The following LRFN5 variants were observed in gnomAD, a reference collection of about 807,000 sequenced individuals.
LRFN5 encodes leucine-rich repeat and fibronectin type-III domain-containing protein 5.
Under a neutral mutation model 45.6 loss-of-function variants are expected in LRFN5, and 24 were observed. The observed-to-expected ratio is 0.53, with a 90% CI of 0.38 to 0.74. The LOEUF (loss-of-function observed/expected upper bound fraction) is 0.74. Among genes scored for constraint, LRFN5 ranks in the 30% least tolerant of loss-of-function variants. The pLI, the probability that LRFN5 is intolerant of heterozygous loss-of-function variation, is 0.00. For missense variants in LRFN5, 776 were observed against 861.5 expected, an observed-to-expected ratio of 0.90 and a Z score of 1.24; for synonymous variants, 340 against 313.8, an observed-to-expected ratio of 1.08 and a Z score of -0.88.
At chr14:41,686,779 T>C (rs1882142883) in intron 1 of LRFN5, among the ~76,000 whole-genome samples, 1 of 152,188 alleles carries the variant, frequency 6.6e-6, no homozygotes, top group South Asian at 2.1e-4. Flanking sequence ...TGTGCATATG[T>C]TGAAGCAGTC....
intron 1 of LRFN5, among the ~76,000 whole-genome samples, chr14:41,735,203 C>G (rs551195189): frequency 1.3e-5 from 2 of 152,258 alleles, no homozygotes; most frequent in South Asian, 4.1e-4. Flanking sequence ...ATTTCTTATA[C>G]AAATAAATTC....
In LRFN5 at chr14:41,837,746, T is replaced by G. The variant is rs570790677; in HGVS notation, c.-20-48860T>G. Among the ~76,000 whole-genome samples the G allele has an allele frequency of 2.0e-5, 3 of 152,294 alleles. 1 individual carries two copies. In the South Asian group the frequency reaches 6.2e-4, roughly 32 times the overall value. On this transcript the variant is annotated intron_variant, in intron 2 of 5. Coordinates refer to ENST00000298119, the MANE Select transcript of LRFN5 (RefSeq NM_152447.5). ...GCTCTCTGTCATGTGGAAGAATTAT[T>G]CTGTTTAAAGAGCTGCTGCTTTAAA...
At chr14:41,759,960 G>A (rs1298474459) in intron 1 of LRFN5, among the ~76,000 whole-genome samples, 1 of 152,170 alleles carries the variant, frequency 6.6e-6, no homozygotes, top group Non-Finnish European at 1.5e-5. Flanking sequence ...ATAACACAGA[G>A]GGATTCCCAC....
At chr14:41,885,583 G>A (rs543605539) in intron 2 of LRFN5, among the ~76,000 whole-genome samples, 11 of 152,078 alleles carry the variant, frequency 7.2e-5, no homozygotes, top group South Asian at 2.1e-4. Flanking sequence ...AAGCACTGAC[G>A]GCTGCTTCCC....
intron 1 of LRFN5, among the ~76,000 whole-genome samples, chr14:41,686,063 G>A (rs1882106585): frequency 6.6e-6 from 1 of 152,076 alleles, no homozygotes; most frequent in African/African-American, 2.4e-5. Flanking sequence ...GGGCAGTATG[G>A]CCATTTTCAT....
chr14:41,640,412 A>G (rs901011746), intron 1 of LRFN5, among the ~76,000 whole-genome samples: 4 of 152,126 alleles, frequency 2.6e-5, no homozygotes, highest in African/African-American at 4.8e-5. Context: ...GTGTAGCTCT[A>G]CATGGAAGGC....
At chr14:41,782,974 C>T (rs148099579) in intron 2 of LRFN5, among the ~76,000 whole-genome samples, 4 of 127,622 alleles carry the variant, frequency 3.1e-5, no homozygotes, top group African/African-American at 8.8e-5. Flanking sequence ...GGTGATACAG[C>T]TTTTTTTTTT....
chr14:41,825,507 A>T (rs956229723), intron 2 of LRFN5, among the ~76,000 whole-genome samples: 10 of 152,124 alleles, frequency 6.6e-5, no homozygotes, highest in African/African-American at 2.4e-4. Context: ...TTCTCTTGGA[A>T]TGCTGCACTC....
intron 1 of LRFN5, among the ~76,000 whole-genome samples, chr14:41,680,840 G>C (rs1881852495): frequency 6.6e-6 from 1 of 151,924 alleles, no homozygotes; most frequent in Non-Finnish European, 1.5e-5. Flanking sequence ...CAAACTAGCT[G>C]TTTCAAGGAA....
At chr14:41,765,304 T>A (rs1331482038) in intron 1 of LRFN5, among the ~76,000 whole-genome samples, 2 of 143,810 alleles carry the variant, frequency 1.4e-5, no homozygotes, top group Non-Finnish European at 3.0e-5. Flanking sequence ...ATCGCGCCAC[T>A]GCACTCCAGC....
chr14:41,653,757 C>A (rs1880242502), intron 1 of LRFN5, among the ~76,000 whole-genome samples: 1 of 151,984 alleles, frequency 6.6e-6, no homozygotes, highest in Admixed American at 6.6e-5. Context: ...GAAATTGCTT[C>A]TATAGTGCTA....
intron 2 of LRFN5, among the ~76,000 whole-genome samples, chr14:41,832,112 A>C (rs1451344088): frequency 6.6e-6 from 1 of 152,160 alleles, no homozygotes; most frequent in African/African-American, 2.4e-5. Context: ...TAGGGATTCA[A>C]TATATGAATT....
chr14:41,861,705 C>T lies in LRFN5; in HGVS notation c.-20-24901C>T, dbSNP rs573117886. On this transcript the variant is annotated intron_variant, in intron 2 of 5. Coordinates refer to ENST00000298119, the MANE Select transcript of LRFN5 (RefSeq NM_152447.5). ...GCTGCAATAGCTCTCATGTGAGATA[C>T]GTTAATTTTAAAGGTTTTATTGAAG... is the stretch of plus-strand genomic sequence containing the variant. 5.9e-5 allele frequency among the ~76,000 whole-genome samples: 9 copies of T among 152,180 alleles called. No individual in the cohort carries two copies. In the East Asian group the frequency reaches 9.7e-4, roughly 16 times the overall value.
chr14:41,718,721 T>A (rs1434727689), intron 1 of LRFN5, among the ~76,000 whole-genome samples: 1 of 152,180 alleles, frequency 6.6e-6, no homozygotes, highest in Non-Finnish European at 1.5e-5. Context: ...TCAGCCCTGA[T>A]TCATCTACGC....
At chr14:41,885,738 C>T (rs924405131) in intron 2 of LRFN5, among the ~76,000 whole-genome samples, 36 of 151,938 alleles carry the variant, frequency 2.4e-4, no homozygotes, top group South Asian at 4.2e-4. Context: ...GAAGATTGGC[C>T]GGGCACAGTG....
At chr14:41,712,125 CTG>C (rs761180726) in intron 1 of LRFN5, among the ~76,000 whole-genome samples, 5 of 152,120 alleles carry the variant, frequency 3.3e-5, no homozygotes, top group Non-Finnish European at 7.4e-5. Context: ...GCAAGAAAGA[CTG>C]AGACACATGA....
intron 2 of LRFN5, among the ~76,000 whole-genome samples, chr14:41,881,434 CT>C (rs1890377406): frequency 6.6e-6 from 1 of 151,652 alleles, no homozygotes. Context: ...TATGCAATAT[CT>C]TTTTCTCTGC....
chr14:41,758,417 A>C (rs1176285831), intron 1 of LRFN5, among the ~76,000 whole-genome samples: 3 of 152,178 alleles, frequency 2.0e-5, no homozygotes, highest in Non-Finnish European at 4.4e-5. Context: ...CCTTGCCTGT[A>C]CTTTAATAGT....
At chr14:41,744,801 ATTAT>A (rs1411901983) in intron 1 of LRFN5, among the ~76,000 whole-genome samples, 2 of 152,222 alleles carry the variant, frequency 1.3e-5, no homozygotes, top group African/African-American at 2.4e-5. Context: ...AGACAAAGGC[ATTAT>A]TTATTAATAA....
Sources: gnomAD v4.1 joint callset for allele counts (sites outside exome capture counted in the v4.1 genomes callset) on GRCh38, gnomAD v4.1.1 for gene constraint, MANE v1.5 for transcripts, NCBI Gene and HGNC (gene_info 2026-07-23, HGNC 2026-07-21) for gene names.